Variants in TMEM88 observed in about 807,000 individuals in gnomAD.
TMEM88 encodes transmembrane protein 88.
In TMEM88, 8 loss-of-function variants were observed where a neutral mutation model predicts 10.0. That is an observed-to-expected ratio of 0.80 (90% CI 0.47 to 1.44). The LOEUF (loss-of-function observed/expected upper bound fraction) is 1.44, where lower values mean the gene tolerates loss of function less well. Among genes scored for constraint, TMEM88 ranks in the 40% most tolerant of loss-of-function variants. The pLI is 0.00. For missense variants in TMEM88, 255 were observed against 217.8 expected, an observed-to-expected ratio of 1.17 and a Z score of -1.07; for synonymous variants, 139 against 104.9, an observed-to-expected ratio of 1.33 and a Z score of -1.99.
In TMEM88 at chr17:7,855,992, T is replaced by C. The variant is rs2078804244; in HGVS notation, c.*278T>C. Reference sequence around the variant, plus strand: ...AGCTCCGTCGTGAATGGGACAACAATCTCGTGCCCTCGTTTTATGGTGCAG... The same window carrying C: ...AGCTCCGTCGTGAATGGGACAACAACCTCGTGCCCTCGTTTTATGGTGCAG... On this transcript the variant is annotated 3_prime_UTR_variant, in exon 2 of 2. Transcript: ENST00000301599. 7.9e-7 allele frequency: 1 copy of C among 1,263,850 alleles called. No individual in the cohort carries two copies. Among genetic ancestry groups the C allele is most frequent in the Non-Finnish European group, 1.0e-6 (1 of 1,003,324 alleles). The allele number at this position is 1,263,850 out of a possible 1,614,324, so 78.3% of individuals were successfully genotyped here.
In TMEM88 at chr17:7,855,281, TCAG is replaced by T; in HGVS notation, c.208_210del (p.Gln70del). On this transcript the variant is annotated inframe_deletion and splice_region_variant, in exon 1 of 2. Transcript: ENST00000301599. ...TGGGCTTCGGCTTCCTCTGCCACTCTCAGGTGAGCGTGCGCCCCGGGGTGTGCG... is the reference window on the plus strand; with the variant it reads ...TGGGCTTCGGCTTCCTCTGCCACTCTGTGAGCGTGCGCCCCGGGGTGTGCG... 1 of 1,596,684 alleles carries T rather than the reference TCAG, an allele frequency of 6.3e-7. No individual in the cohort carries two copies. The highest frequency in any genetic ancestry group is 8.5e-7 in the Non-Finnish European group (1 of 1,172,634).
chr17:7,856,065 G>A lies in TMEM88; in HGVS notation c.*351G>A. 1.0e-6 allele frequency: 1 copy of A among 969,462 alleles called. No individual in the cohort carries two copies. Among genetic ancestry groups the A allele is most frequent in the Non-Finnish European group, 1.4e-6 (1 of 734,538 alleles). 60.1% of individuals were successfully genotyped at this position (969,462 alleles called of 1,614,324 possible). A position where few individuals can be genotyped will look rare whatever the true frequency, so the allele number is the denominator to read the frequency against. On this transcript the variant is annotated 3_prime_UTR_variant, in exon 2 of 2. Coordinates refer to ENST00000301599, the MANE Select transcript of TMEM88 (RefSeq NM_203411.2). ...GGGGGGCGGGGCTGGAGGGGAAGGA[G>A]TGTCCACGCATCAATAAAGATTTAA...
chr17:7,855,366 C>G, intron 1 of TMEM88, 79 bp from the exon 2 acceptor site: 1 of 1,589,972 alleles, frequency 6.3e-7, no homozygotes, highest in Non-Finnish European at 8.5e-7. Context: ...TGGGCCACAA[C>G]TTCAACCCGC....
Position 7,856,028 on chromosome 17 carries a change from A to C in TMEM88, c.*314A>C. Reference sequence around the variant, plus strand: ...CGTTTTATGGTGCAGCTTCTCTAGTATTTCTGGGGCTGGGGGGCGGGGCTG... The same window carrying C: ...CGTTTTATGGTGCAGCTTCTCTAGTCTTTCTGGGGCTGGGGGGCGGGGCTG... On this transcript the variant is annotated 3_prime_UTR_variant, in exon 2 of 2. Transcript: ENST00000301599. 2.0e-6 allele frequency: 2 copies of C among 978,702 alleles called. No individual in the cohort carries two copies. The highest frequency in any genetic ancestry group is 3.8e-5 in the South Asian group (1 of 26,388). 60.6% of individuals were successfully genotyped at this position (978,702 alleles called of 1,614,324 possible). A position where few individuals can be genotyped will look rare whatever the true frequency, so the allele number is the denominator to read the frequency against.
Position 7,855,201 on chromosome 17 carries a change from C to T in TMEM88, c.127C>T (p.Leu43Phe). ...AQNLLVAAFN[L>F]LLLVLVLGTI... is the part of the protein sequence containing the mutation. ...GAATCTGCTGGTGGCTGCCTTCAAT[C>T]TTCTCCTGCTGGTGCTGGTGCTAGG... Residue 43 changes from leucine (L) to phenylalanine (F), a missense_variant, in exon 1 of 2, where the codon CTT becomes TTT. Transcript: ENST00000301599. The T allele has an allele frequency of 1.2e-6, 2 of 1,609,888 alleles. No individual in the cohort carries two copies. Among genetic ancestry groups the T allele is most frequent in the Non-Finnish European group, 1.7e-6 (2 of 1,178,508 alleles).
rs200927879 is a variant in TMEM88, at chr17:7,855,451, C to G, written c.217C>G (p.Arg73Gly). ...GACGCCTCTTCTCCCACAGTTCCTG[C>G]GCTCCCAGGCACCCCCTTGCACCGC... ...FGFLCHSQFL[R>G]SQAPPCTAHL... Residue 73 changes from arginine to glycine, a missense_variant, in exon 2 of 2, where the codon CGC (arginine) becomes GGC (glycine). By Grantham distance (125) the Arg-to-Gly change is moderately radical. Coordinates refer to ENST00000301599, the MANE Select transcript of TMEM88 (RefSeq NM_203411.2). 97 of 1,603,604 alleles carry G rather than the reference C, an allele frequency of 6.0e-5. No homozygotes were observed. The highest frequency in any genetic ancestry group is 8.0e-5 in the Non-Finnish European group (94 of 1,179,398).
rs1435545477 is a variant in TMEM88, at chr17:7,855,226, G to C, written c.152G>C (p.Gly51Ala). 3 of 1,607,678 alleles carry C rather than the reference G, an allele frequency of 1.9e-6. No individual in the cohort carries two copies. The highest frequency in any genetic ancestry group is 1.3e-5 in the African/African-American group (1 of 74,818). ...CTTCTCCTGCTGGTGCTGGTGCTAG[G>C]GACCATCTTGCTACCCGCTGTCACC... ...FNLLLLVLVLGTILLPAVTML... is the reference protein window; with the variant it reads ...FNLLLLVLVLATILLPAVTML... Residue 51 changes from glycine to alanine, a missense_variant, in exon 1 of 2, where the codon GGG becomes GCG. By Grantham distance (60) the Gly-to-Ala change is moderately conservative (BLOSUM62 0). Coordinates refer to ENST00000301599, the MANE Select transcript of TMEM88 (RefSeq NM_203411.2).
At position 7,855,080 on chromosome 17, in the gene TMEM88, G is replaced by A. The variant is rs1337806309; in HGVS notation, c.6G>A (p.Ala2=). The A allele has an allele frequency of 1.2e-6, 2 of 1,600,682 alleles. No individual in the cohort carries two copies. The highest frequency in any genetic ancestry group is 1.3e-5 in the African/African-American group (1 of 74,814). Residue 2 remains alanine (A), a synonymous_variant, in exon 1 of 2, where the codon GCG becomes GCA. Transcript: ENST00000301599. M[A]DVPGAQRAVP... ...GGGCGGGATCCAGGCGGGCCATGGC[G>A]GATGTCCCCGGGGCACAGCGAGCGG...
Position 7,855,431 on chromosome 17 carries a change from C to T in TMEM88, c.211-14C>T, listed in dbSNP as rs1489829837. 1 of 1,601,148 alleles carries T rather than the reference C, an allele frequency of 6.2e-7. No individual in the cohort carries two copies. The highest frequency in any genetic ancestry group is 8.5e-7 in the Non-Finnish European group (1 of 1,178,698). ...CGCCTGGTCGGCTTGGGCCTGACGC[C>T]TCTTCTCCCACAGTTCCTGCGCTCC... On this transcript the variant is annotated splice_polypyrimidine_tract_variant and intron_variant, in intron 1 of 1. Coordinates refer to ENST00000301599, the MANE Select transcript of TMEM88 (RefSeq NM_203411.2).
At position 7,856,003 on chromosome 17, in the gene TMEM88, C is replaced by G. The variant is rs992990530; in HGVS notation, c.*289C>G. The G allele has an allele frequency of 4.8e-6, 6 of 1,257,306 alleles. No homozygotes were observed. The East Asian group carries it at 1.5e-4, about 32-fold the overall frequency. The allele number at this position is 1,257,306 out of a possible 1,614,324, so 77.9% of individuals were successfully genotyped here. On this transcript the variant is annotated 3_prime_UTR_variant, in exon 2 of 2. Transcript: ENST00000301599. ...GAATGGGACAACAATCTCGTGCCCT[C>G]GTTTTATGGTGCAGCTTCTCTAGTA... is the stretch of plus-strand genomic sequence containing the variant.
rs1351440443 is a variant in TMEM88, at chr17:7,855,133, A to AC, written c.64dup (p.Leu22ProfsTer215). 1.2e-6 allele frequency: 2 copies of AC among 1,610,502 alleles called. No individual in the cohort carries two copies. The highest frequency in any genetic ancestry group is 4.5e-5 in the East Asian group (2 of 44,830). ...CCTGGTGACGGCCCAGAGCCCCGGG[A>AC]CCCCCTGGACTGTTGGGCCTGCGCT... On this transcript the variant is annotated frameshift_variant, in exon 1 of 2. Coordinates refer to ENST00000301599, the MANE Select transcript of TMEM88 (RefSeq NM_203411.2). LOFTEE classifies it high-confidence loss of function.
rs763924463 is a variant in TMEM88, at chr17:7,855,088, C to G, written c.14C>G (p.Pro5Arg). Residue 5 changes from proline to arginine, a missense_variant, in exon 1 of 2, where the codon CCC becomes CGC. Pro to Arg is a moderately radical substitution (Grantham distance 103). Coordinates refer to ENST00000301599, the MANE Select transcript of TMEM88 (RefSeq NM_203411.2). Reference sequence around the variant, plus strand: ...TCCAGGCGGGCCATGGCGGATGTCCCCGGGGCACAGCGAGCGGTTCCTGGT... The same window carrying G: ...TCCAGGCGGGCCATGGCGGATGTCCGCGGGGCACAGCGAGCGGTTCCTGGT... MADV[P>R]GAQRAVPGDG... The G allele has an allele frequency of 1.2e-5, 19 of 1,602,728 alleles. No homozygotes were observed. The African/African-American group carries it at 2.3e-4, about 19-fold the overall frequency.
chr17:7,855,522 C>T lies in TMEM88; in HGVS notation c.288C>T (p.Phe96=). Reference sequence around the variant, plus strand: ...TCACGGCCCTACTGGTCACCGGATTCCTGCTCCTCGTGCCGCTGCTCGTGC... The same window carrying T: ...TCACGGCCCTACTGGTCACCGGATTTCTGCTCCTCGTGCCGCTGCTCGTGC... The part of the protein sequence containing the change: ...PGFTALLVTG[F]LLLVPLLVLA... The change falls in exon 2 of 2, where the codon TTC becomes TTT. Residue 96 remains phenylalanine (F), a synonymous_variant. Transcript: ENST00000301599. The T allele has an allele frequency of 6.2e-7, 1 of 1,608,976 alleles. No individual in the cohort carries two copies.
At position 7,856,023 on chromosome 17, in the gene TMEM88, C is replaced by G. The variant is rs766572492; in HGVS notation, c.*309C>G. 5.8e-5 allele frequency: 70 copies of G among 1,206,530 alleles called. No homozygotes were observed. The highest frequency in any genetic ancestry group is 7.7e-5 in the Admixed American group (2 of 26,118). The allele number at this position is 1,206,530 out of a possible 1,614,324, so 74.7% of individuals were successfully genotyped here. A position where few individuals can be genotyped will look rare whatever the true frequency, so the allele number is the denominator to read the frequency against. On this transcript the variant is annotated 3_prime_UTR_variant, in exon 2 of 2. Coordinates refer to ENST00000301599, the MANE Select transcript of TMEM88 (RefSeq NM_203411.2). ...GCCCTCGTTTTATGGTGCAGCTTCTCTAGTATTTCTGGGGCTGGGGGGCGG... is the reference window on the plus strand; with the variant it reads ...GCCCTCGTTTTATGGTGCAGCTTCTGTAGTATTTCTGGGGCTGGGGGGCGG...
At position 7,855,810 on chromosome 17, in the gene TMEM88, C is replaced by A. The variant is rs1248813756; in HGVS notation, c.*96C>A. On this transcript the variant is annotated 3_prime_UTR_variant, in exon 2 of 2. Coordinates refer to ENST00000301599, the MANE Select transcript of TMEM88 (RefSeq NM_203411.2). ...CATCTTCCGACCTGCCCTGCCCCCACCCCTGCCTGAGCGGAGTCCTAGCAT... is the reference window on the plus strand; with the variant it reads ...CATCTTCCGACCTGCCCTGCCCCCAACCCTGCCTGAGCGGAGTCCTAGCAT... 7.0e-7 allele frequency: 1 copy of A among 1,431,660 alleles called. No homozygotes were observed. Among genetic ancestry groups the A allele is most frequent in the South Asian group, 1.5e-5 (1 of 67,884 alleles). 88.7% of individuals were successfully genotyped at this position (1,431,660 alleles called of 1,614,324 possible). A position where few individuals can be genotyped will look rare whatever the true frequency, so the allele number is the denominator to read the frequency against.
At position 7,855,568 on chromosome 17, in the gene TMEM88, C is replaced by G. The variant is rs2151382082; in HGVS notation, c.334C>G (p.Arg112Gly). The change falls in exon 2 of 2, where the codon CGC becomes GGC. Residue 112 changes from arginine (R) to glycine (G), a missense_variant. Transcript: ENST00000301599. ...LLVLALASYR[R>G]LCLRLRLADC... ...CGTGCTTGCTCTGGCCAGCTACCGC[C>G]GCCTCTGCCTGCGCCTCCGCCTAGC... 6 of 1,608,228 alleles carry G rather than the reference C, an allele frequency of 3.7e-6. No homozygotes were observed. Among genetic ancestry groups the G allele is most frequent in the Non-Finnish European group, 5.1e-6 (6 of 1,179,854 alleles).
chr17:7,855,778 A>G lies in TMEM88; in HGVS notation c.*64A>G. The G allele has an allele frequency of 1.4e-6, 2 of 1,447,980 alleles. No homozygotes were observed. Among genetic ancestry groups the G allele is most frequent in the Non-Finnish European group, 9.1e-7 (1 of 1,101,064 alleles). 89.7% of individuals were successfully genotyped at this position (1,447,980 alleles called of 1,614,324 possible). A position where few individuals can be genotyped will look rare whatever the true frequency, so the allele number is the denominator to read the frequency against. ...CCTCTTATTCGGCCCAAGGACTTGA[A>G]GCCCGGCATCTTCCGACCTGCCCTG... On this transcript the variant is annotated 3_prime_UTR_variant, in exon 2 of 2. Coordinates refer to ENST00000301599, the MANE Select transcript of TMEM88 (RefSeq NM_203411.2).
Position 7,856,004 on chromosome 17 carries a change from G to C in TMEM88, c.*290G>C, listed in dbSNP as rs1597868313. ...AATGGGACAACAATCTCGTGCCCTC[G>C]TTTTATGGTGCAGCTTCTCTAGTAT... On this transcript the variant is annotated 3_prime_UTR_variant, in exon 2 of 2. Transcript: ENST00000301599. The C allele has an allele frequency of 6.5e-6, 8 of 1,231,450 alleles. No individual in the cohort carries two copies. The highest frequency in any genetic ancestry group is 4.7e-5 in the African/African-American group (3 of 64,090). 76.3% of individuals were successfully genotyped at this position (1,231,450 alleles called of 1,614,324 possible).
Position 7,855,232 on chromosome 17 carries a change from TCTTGCTACCCG to T in TMEM88, c.161_171del (p.Leu54CysfsTer179). On this transcript the variant is annotated frameshift_variant, in exon 1 of 2. Coordinates refer to ENST00000301599, the MANE Select transcript of TMEM88 (RefSeq NM_203411.2). LOFTEE classifies it high-confidence loss of function. The stretch of plus-strand genomic sequence containing the variant: ...CTGCTGGTGCTGGTGCTAGGGACCA[TCTTGCTACCCG>T]CTGTCACCATGCTGGGCTTCGGCTT... 6.2e-7 allele frequency: 1 copy of T among 1,607,400 alleles called. No individual in the cohort carries two copies. The highest frequency in any genetic ancestry group is 1.1e-5 in the South Asian group (1 of 89,950).
Sources: gnomAD v4.1 joint callset for allele counts on GRCh38, gnomAD v4.1.1 for gene constraint, MANE v1.5 for transcripts, NCBI Gene and HGNC (gene_info 2026-07-23, HGNC 2026-07-21) for gene names.